Variants in KIF27 observed in about 807,000 individuals in gnomAD.
KIF27 encodes kinesin-like protein KIF27.
A neutral mutation model predicts 141.8 loss-of-function variants in KIF27; 84 were observed. The ratio of observed to expected loss-of-function variants is 0.59; its 90% CI spans 0.50 to 0.71. The LOEUF (loss-of-function observed/expected upper bound fraction) is 0.71, where lower values mean the gene tolerates loss of function less well. Among genes scored for constraint, KIF27 ranks in the 30% least tolerant of loss-of-function variants. The probability of loss-of-function intolerance (pLI) is 0.00; values close to 1 mark genes in which losing one functional copy is unlikely to be tolerated. For missense variants in KIF27, 1,306 were observed against 1,628.4 expected (o/e 0.80, Z 3.41); for synonymous variants, 471 against 569.5 (o/e 0.83, Z 2.46).
At chr9:83,921,209 G>T (rs1956240534) in intron 1 of KIF27, among the ~76,000 whole-genome samples, 162 bp downstream of exon 1, 1 of 149,902 alleles carries the variant, frequency 6.7e-6, no homozygotes, top group Non-Finnish European at 1.5e-5. Flanking sequence ...CCCACCCTCC[G>T]CTACCCACCC....
chr9:83,904,734 G>A (rs1331292459), intron 3 of KIF27, among the ~76,000 whole-genome samples: 1 of 151,314 alleles, frequency 6.6e-6, no homozygotes, highest in Non-Finnish European at 1.5e-5. Context: ...TAGATTAGAA[G>A]AATTAATTAG....
chr9:83,921,191 C>A (rs1459536001), intron 1 of KIF27, among the ~76,000 whole-genome samples, 180 bp downstream of exon 1: 1 of 151,968 alleles, frequency 6.6e-6, no homozygotes, highest in African/African-American at 2.4e-5. Context: ...TAGCTGGCGC[C>A]CCAACCGCCC....
Position 83,858,383 on chromosome 9 carries a change from T to C in KIF27, c.3150+773A>G, listed in dbSNP as rs2077650721. ...CACCACTGTGTGTGATTCTCAGCTA[T>C]TCACCTTCTCTTAGCAATTTTCCCT... is the stretch of plus-strand genomic sequence containing the variant. On this transcript the variant is annotated intron_variant, in intron 14 of 17. Transcript: ENST00000297814. The C allele has an allele frequency of 2.6e-5, 4 of 152,190 alleles. No individual in the cohort carries two copies. The South Asian group carries it at 6.2e-4, about 24-fold the overall frequency. 9.4% of individuals were successfully genotyped at this position (152,190 alleles called of 1,614,324 possible).
At chr9:83,919,216 A>C (rs1202005093) in intron 1 of KIF27, among the ~76,000 whole-genome samples, 1 of 152,232 alleles carries the variant, frequency 6.6e-6, no homozygotes, top group Non-Finnish European at 1.5e-5. Context: ...GGGAAGGTAA[A>C]ATGGTATAGC....
rs996623780 is a variant in KIF27 at position 83,903,022 on chromosome 9, A to T, written c.1458+38T>A. On this transcript the variant is annotated intron_variant, in intron 4 of 17. Transcript: ENST00000297814. ...ATATGTACATCTATTATGTATCAAT[A>T]AAATAAATAAATAAATAAATAAGTG... 3.1e-6 allele frequency: 4 copies of T among 1,281,398 alleles called. No homozygotes were observed. In the South Asian group the frequency reaches 5.8e-5, roughly 19 times the overall value. The allele number at this position is 1,281,398 out of a possible 1,614,324, so 79.4% of individuals were successfully genotyped here. A position where few individuals can be genotyped will look rare whatever the true frequency, so the allele number is the denominator to read the frequency against.
chr9:83,843,065 T>C (rs905085733), intron 16 of KIF27, among the ~76,000 whole-genome samples: 1 of 151,554 alleles, frequency 6.6e-6, no homozygotes, highest in Non-Finnish European at 1.5e-5. Context: ...GCTGCTTTAG[T>C]ATCTTCTGTA....
intron 11 of KIF27, 22 bp from the exon 12 acceptor site, chr9:83,870,654 A>G (rs755162257): frequency 6.2e-7 from 1 of 1,611,932 alleles, no homozygotes; most frequent in Non-Finnish European, 8.5e-7. Flanking sequence ...GAAATTGAAA[A>G]CACCTTATTG....
chr9:83,882,561 C>T (rs1366745617), intron 10 of KIF27, among the ~76,000 whole-genome samples: 1 of 152,188 alleles, frequency 6.6e-6, no homozygotes, highest in Non-Finnish European at 1.5e-5. Flanking sequence ...TACTGTCCTC[C>T]TCATCCTCCT....
intron 13 of KIF27, among the ~76,000 whole-genome samples, chr9:83,866,955 C>T (rs918616302): frequency 6.7e-6 from 1 of 149,842 alleles, no homozygotes; most frequent in African/African-American, 2.5e-5. Context: ...TTCACCCCCC[C>T]CCCAAAAAAA....
intron 16 of KIF27, 57 bp downstream of exon 16, chr9:83,850,038 TCTTC>T (rs1478827225): frequency 7.2e-7 from 1 of 1,394,188 alleles, no homozygotes; most frequent in Non-Finnish European, 1.0e-6. Flanking sequence ...TTCTGTCCTA[TCTTC>T]CTTCAGTACC....
At chr9:83,845,659 A>G (rs1301989057) in intron 16 of KIF27, among the ~76,000 whole-genome samples, 5 of 152,214 alleles carry the variant, frequency 3.3e-5, no homozygotes, top group South Asian at 2.1e-4. Flanking sequence ...CCAGTGAAGG[A>G]AAATCTTCCC....
intron 6 of KIF27, among the ~76,000 whole-genome samples, chr9:83,890,773 C>A (rs2780183): frequency 0.023 from 3,512 of 152,300 alleles, 59 homozygotes; most frequent in South Asian, 0.041. Flanking sequence ...CTGCTAATTA[C>A]GTCTTTTCCA....
intron 16 of KIF27, among the ~76,000 whole-genome samples, chr9:83,848,201 CAG>C (rs1491527586): frequency 3.6e-5 from 2 of 56,276 alleles, no homozygotes; most frequent in East Asian, 4.2e-4. Flanking sequence ...TATGATATAT[CAG>C]ATATGATATA....
In KIF27 at chr9:83,903,060, C is replaced by T; in HGVS notation, c.1458G>A (p.Gln486=). The change falls in exon 4 of 18, where the codon CAG becomes CAA. Residue 486 remains glutamine (Q), a splice_region_variant and synonymous_variant. Transcript: ENST00000297814. ...AAATAAATAAGTGATGTCTAAGTAC[C>T]TGGCATTTCTTAAGCTCTCTCTTCA... is the stretch of plus-strand genomic sequence containing the variant. The part of the protein sequence containing the change: ...LQLKRELKKC[Q]CVLAADEVVF... The T allele has an allele frequency of 2.5e-6, 4 of 1,580,296 alleles. No individual in the cohort carries two copies. Among genetic ancestry groups the T allele is most frequent in the Non-Finnish European group, 3.5e-6 (4 of 1,154,926 alleles).
chr9:83,908,016 C>A (rs1735576149), intron 3 of KIF27, among the ~76,000 whole-genome samples: 1 of 152,166 alleles, frequency 6.6e-6, no homozygotes, highest in African/African-American at 2.4e-5. Context: ...GTAATCCCAG[C>A]ACTTTGGGAG....
chr9:83,880,032 C>T, intron 11 of KIF27: 1 of 517,592 alleles, frequency 1.9e-6, no homozygotes, highest in Non-Finnish European at 3.4e-6. Flanking sequence ...TTTTTGACAG[C>T]TTCAATTAAA....
chr9:83,842,656 TG>T (rs1186273674), intron 16 of KIF27, among the ~76,000 whole-genome samples: 5 of 152,070 alleles, frequency 3.3e-5, no homozygotes, highest in South Asian at 2.1e-4. Context: ...TTAGTAGAGA[TG>T]GGGTTTCATC....
intron 5 of KIF27, among the ~76,000 whole-genome samples, chr9:83,893,869 T>C (rs1267022690): frequency 1.3e-5 from 2 of 151,920 alleles, no homozygotes; most frequent in Non-Finnish European, 2.9e-5. Context: ...GTAATTTTAC[T>C]AGCTAGTGAA....
In KIF27 at chr9:83,903,566, C is replaced by T; in HGVS notation, c.952G>A (p.Val318Ile). ...GSAKTVMITC[V>I]SPSSSNFDES... ...TCAAAATTCGAGGAGGAGGGGCTGACACATGTGATCATGACAGTCTTAGCA... is the reference window on the plus strand; with the variant it reads ...TCAAAATTCGAGGAGGAGGGGCTGATACATGTGATCATGACAGTCTTAGCA... The change falls in exon 4 of 18, where the codon GTC becomes ATC. Residue 318 changes from valine (V) to isoleucine (I), a missense_variant. Physicochemically the swap from Val to Ile is conservative, Grantham distance 29. This residue lies in a region of KIF27 where 533 missense variants were observed against 565.6 expected (regional missense o/e 0.94). Coordinates refer to ENST00000297814, the MANE Select transcript of KIF27 (RefSeq NM_017576.4). The T allele has an allele frequency of 1.9e-6, 3 of 1,614,154 alleles. No homozygotes were observed. The highest frequency in any genetic ancestry group is 2.2e-5 in the South Asian group (2 of 91,084).
Sources: allele counts gnomAD v4.1 joint callset (sites outside exome capture counted in the v4.1 genomes callset), GRCh38; gene constraint gnomAD v4.1.1; regional missense constraint gnomAD v4.1.1; transcripts MANE v1.5; gene names NCBI Gene and HGNC (gene_info 2026-07-23, HGNC 2026-07-21).